The following SLCO2A1 variants were observed in gnomAD, a reference collection of about 807,000 sequenced individuals.
The protein encoded by SLCO2A1 is solute carrier organic anion transporter family member 2A1.
A neutral mutation model predicts 71.7 loss-of-function variants in SLCO2A1; 60 were observed. That is an observed-to-expected ratio of 0.84 (90% CI 0.68 to 1.04). The LOEUF (loss-of-function observed/expected upper bound fraction) is 1.04. Ranked by LOEUF, SLCO2A1 falls within the 50% of genes least tolerant of loss-of-function variation. SLCO2A1 has a pLI of 0.00. For synonymous variants in SLCO2A1, 308 were observed against 326.7 expected (o/e 0.94, Z 0.62); for missense variants, 745 against 813.4 (o/e 0.92, Z 1.02).
At chr3:133,944,851 A>C (rs1933522067) in intron 10 of SLCO2A1, among the ~76,000 whole-genome samples, 1 of 152,158 alleles carries the variant, frequency 6.6e-6, no homozygotes, top group African/African-American at 2.4e-5. Flanking sequence ...AGGCCTCAAG[A>C]ATGTGAATTT....
intron 1 of SLCO2A1, among the ~76,000 whole-genome samples, chr3:134,013,841 A>G (rs573882835): frequency 6.6e-6 from 1 of 152,326 alleles, no homozygotes; most frequent in South Asian, 2.1e-4. Flanking sequence ...AAGTATAAAA[A>G]TATATCAAAG....
intron 1 of SLCO2A1, among the ~76,000 whole-genome samples, chr3:133,992,743 G>C (rs908770101): frequency 3.9e-5 from 6 of 152,202 alleles, no homozygotes; most frequent in African/African-American, 2.4e-5. Flanking sequence ...TAGCTTCAGA[G>C]AGGTGTCTGT....
At chr3:133,959,670 C>A (rs1933985905) in intron 3 of SLCO2A1, among the ~76,000 whole-genome samples, 1 of 152,116 alleles carries the variant, frequency 6.6e-6, no homozygotes, top group South Asian at 2.1e-4. Flanking sequence ...ACTAAAAATA[C>A]AAAAAATTAG....
chr3:133,960,421 G>A lies in SLCO2A1; in HGVS notation c.398-5228C>T, dbSNP rs146897586. Among the ~76,000 whole-genome samples, 1,347 of 152,318 alleles carry A rather than the reference G, an allele frequency of 8.8e-3. 19 individuals are homozygous for A. Among genetic ancestry groups the A allele is most frequent in the African/African-American group, 0.03 (1,252 of 41,566 alleles). Reference sequence around the variant, plus strand: ...TGCTACAGCACAGATGAGCCTTGAGGACATTATGCTAAGTGAAATATGCCA... The same window carrying A: ...TGCTACAGCACAGATGAGCCTTGAGAACATTATGCTAAGTGAAATATGCCA... On this transcript the variant is annotated intron_variant, in intron 3 of 13. Transcript: ENST00000310926.
At chr3:133,956,380 G>A (rs1487180100) in intron 3 of SLCO2A1, among the ~76,000 whole-genome samples, 4 of 152,128 alleles carry the variant, frequency 2.6e-5, no homozygotes, top group East Asian at 1.9e-4. Context: ...CACACGCCTC[G>A]TCCAGCCTGG....
chr3:133,994,872 G>GC lies in SLCO2A1; in HGVS notation c.97-15255dup, dbSNP rs1045930466. On this transcript the variant is annotated intron_variant, in intron 1 of 13. Transcript: ENST00000310926. ...CCACTCTGCACGCTCCACCTGCTTG[G>GC]CCACCTCCAGTCCAGGTCCCAGTCA... Among the ~76,000 whole-genome samples, 13 of 152,080 alleles carry GC rather than the reference G, an allele frequency of 8.5e-5. 1 individual carries two copies. Among genetic ancestry groups the GC allele is most frequent in the Admixed American group, 5.9e-4 (9 of 15,262 alleles).
chr3:134,004,140 TCTA>T (rs1466635187), intron 1 of SLCO2A1, among the ~76,000 whole-genome samples: 3 of 151,344 alleles, frequency 2.0e-5, no homozygotes, highest in African/African-American at 7.3e-5. Context: ...GTGTGTATCT[TCTA>T]CTGTCTCTGG....
chr3:133,997,553 T>G (rs1934995020), intron 1 of SLCO2A1, among the ~76,000 whole-genome samples: 1 of 152,184 alleles, frequency 6.6e-6, no homozygotes, highest in Non-Finnish European at 1.5e-5. Flanking sequence ...GAGTAGGGTG[T>G]CTGCAAGCCA....
chr3:134,008,584 A>G (rs1411626115), intron 1 of SLCO2A1, among the ~76,000 whole-genome samples: 2 of 152,212 alleles, frequency 1.3e-5, no homozygotes, highest in African/African-American at 2.4e-5. Flanking sequence ...ACAGACCCCT[A>G]GTTAGCACCT....
At chr3:133,992,315 A>G (rs915308862) in intron 1 of SLCO2A1, among the ~76,000 whole-genome samples, 1 of 152,264 alleles carries the variant, frequency 6.6e-6, no homozygotes, top group Non-Finnish European at 1.5e-5. Context: ...GGACAATCTG[A>G]AAAAGAAACA....
At chr3:133,993,172 C>T (rs1431168485) in intron 1 of SLCO2A1, among the ~76,000 whole-genome samples, 3 of 152,270 alleles carry the variant, frequency 2.0e-5, no homozygotes, top group African/African-American at 7.2e-5. Context: ...TCCCCCTCCC[C>T]AGGGAGTAGA....
At chr3:133,997,840 C>G (rs1056806318) in intron 1 of SLCO2A1, among the ~76,000 whole-genome samples, 4 of 152,206 alleles carry the variant, frequency 2.6e-5, no homozygotes, top group African/African-American at 9.6e-5. Flanking sequence ...CTTGACTTTG[C>G]CCAGTATTAC....
chr3:134,027,696 G>A (rs558604855), intron 1 of SLCO2A1, among the ~76,000 whole-genome samples: 1 of 152,322 alleles, frequency 6.6e-6, no homozygotes, highest in Non-Finnish European at 1.5e-5. Context: ...CCACTGCAAA[G>A]TGGCAGGGCT....
intron 1 of SLCO2A1, among the ~76,000 whole-genome samples, chr3:134,011,138 C>A (rs1384715608): frequency 1.3e-5 from 2 of 152,168 alleles, no homozygotes; most frequent in Admixed American, 6.5e-5. Flanking sequence ...GCAACCTCCG[C>A]CTCCTGGGTT....
rs575385721 is a variant in SLCO2A1, at chr3:133,953,575, C to T, written c.724+88G>A. 30 of 1,039,818 alleles carry T rather than the reference C, an allele frequency of 2.9e-5. No individual in the cohort carries two copies. In the South Asian group the frequency reaches 3.8e-4, roughly 13 times the overall value. The allele number at this position is 1,039,818 out of a possible 1,614,324, so 64.4% of individuals were successfully genotyped here. ...TGGCAGAGCGCATCTGGAGCTGAAG[C>T]TTCATTCTCTGTTCTGATTGGATGA... On this transcript the variant is annotated intron_variant, in intron 5 of 13. Transcript: ENST00000310926.
chr3:133,960,145 T>TAAAC (rs1041690056), intron 3 of SLCO2A1, among the ~76,000 whole-genome samples: 3 of 151,468 alleles, frequency 2.0e-5, no homozygotes, highest in African/African-American at 7.3e-5. Flanking sequence ...AATAAATAAA[T>TAAAC]AAATAAATAA....
chr3:133,957,105 G>T (rs1333469525), intron 3 of SLCO2A1, among the ~76,000 whole-genome samples: 1 of 152,096 alleles, frequency 6.6e-6, no homozygotes, highest in African/African-American at 2.4e-5. Flanking sequence ...TAGGCTCTAG[G>T]CCTGCAACAG....
chr3:133,971,468 T>C (rs1934324855), intron 3 of SLCO2A1, among the ~76,000 whole-genome samples: 1 of 151,754 alleles, frequency 6.6e-6, no homozygotes, highest in Admixed American at 6.6e-5. Flanking sequence ...GGGGAAAGAG[T>C]TCCATGACCA....
intron 9 of SLCO2A1, 38 bp from the exon 10 acceptor site, chr3:133,945,298 A>C (rs1430242942): frequency 4.5e-6 from 7 of 1,570,596 alleles, no homozygotes; most frequent in South Asian, 1.2e-5. Context: ...CAAACAAAGC[A>C]AGACCAAAGA....
Sources: allele counts gnomAD v4.1 joint callset (sites outside exome capture counted in the v4.1 genomes callset), GRCh38; gene constraint gnomAD v4.1.1; transcripts MANE v1.5; gene names NCBI Gene and HGNC (gene_info 2026-07-23, HGNC 2026-07-21).